The following KCNMB4 variants were observed in gnomAD, a reference collection of about 807,000 sequenced individuals.
The protein encoded by KCNMB4 is potassium calcium-activated channel subfamily M regulatory beta subunit 4.
A neutral mutation model predicts 20.7 loss-of-function variants in KCNMB4; 3 were observed. The observed-to-expected ratio is 0.14, with a 90% CI of 0.07 to 0.37. The LOEUF (loss-of-function observed/expected upper bound fraction) is 0.37. Ranked by LOEUF, KCNMB4 falls within the 10% of genes least tolerant of loss-of-function variation. The probability of loss-of-function intolerance (pLI) is 1.00; values close to 1 mark genes in which losing one functional copy is unlikely to be tolerated. For missense variants in KCNMB4, 168 were observed against 265.9 expected, an observed-to-expected ratio of 0.63 and a Z score of 2.56; for synonymous variants, 110 against 113.4, an observed-to-expected ratio of 0.97 and a Z score of 0.19.
intron 2 of KCNMB4, among the ~76,000 whole-genome samples, chr12:70,404,049 G>T (rs1868529245): frequency 6.6e-6 from 1 of 152,194 alleles, no homozygotes; most frequent in African/African-American, 2.4e-5. Flanking sequence ...ATAGAAGGGG[G>T]AAGACTGAAC....
chr12:70,422,029 T>A (rs1013033834), intron 2 of KCNMB4, among the ~76,000 whole-genome samples: 4 of 152,262 alleles, frequency 2.6e-5, no homozygotes, highest in African/African-American at 7.2e-5. Flanking sequence ...ATGGCATGTA[T>A]TGTCCCAACA....
intron 1 of KCNMB4, among the ~76,000 whole-genome samples, chr12:70,380,140 C>G (rs1883758069): frequency 6.6e-6 from 1 of 152,146 alleles, no homozygotes; most frequent in Non-Finnish European, 1.5e-5. Context: ...CACTTGAACA[C>G]TTAGAGGCTG....
intron 1 of KCNMB4, among the ~76,000 whole-genome samples, chr12:70,376,683 A>G (rs1178972410): frequency 1.3e-5 from 2 of 151,456 alleles, no homozygotes; most frequent in Non-Finnish European, 2.9e-5. Flanking sequence ...CCTAGGCAAC[A>G]TGGTGAAACC....
chr12:70,366,733 C>A lies in KCNMB4; in HGVS notation c.-2C>A, dbSNP rs775402368. ...CACGCCAGCCGCCGAGAGTGGGGGG[C>A]GATGGCGAAGCTCCGGGTGGCTTAC... On this transcript the variant is annotated 5_prime_UTR_variant, in exon 1 of 3. Coordinates refer to ENST00000258111, the MANE Select transcript of KCNMB4 (RefSeq NM_014505.6). 2.6e-6 allele frequency: 4 copies of A among 1,567,982 alleles called. No individual in the cohort carries two copies. The African/African-American group carries it at 4.1e-5, about 16-fold the overall frequency.
rs1565851010 is a variant in KCNMB4, at chr12:70,367,102, C to G, written c.336+32C>G. On this transcript the variant is annotated intron_variant, in intron 1 of 2. Coordinates refer to ENST00000258111, the MANE Select transcript of KCNMB4 (RefSeq NM_014505.6). ...ACGCCCCGCGCACCCAGGGGCTCCC[C>G]GCGAGGGAGGTTTGGAGGCAGCGTC... 2.0e-6 allele frequency: 3 copies of G among 1,468,950 alleles called. No individual in the cohort carries two copies. The South Asian group carries it at 4.2e-5, about 21-fold the overall frequency. The allele number at this position is 1,468,950 out of a possible 1,614,324, so 91.0% of individuals were successfully genotyped here.
At chr12:70,425,047 C>A (rs1869172768) in intron 2 of KCNMB4, among the ~76,000 whole-genome samples, 1 of 152,160 alleles carries the variant, frequency 6.6e-6, no homozygotes, top group Non-Finnish European at 1.5e-5. Flanking sequence ...TTTTAAAAGT[C>A]ATGAATCAAT....
intron 2 of KCNMB4, among the ~76,000 whole-genome samples, chr12:70,426,807 A>G (rs1869226943): frequency 6.6e-6 from 1 of 152,226 alleles, no homozygotes; most frequent in South Asian, 2.1e-4. Flanking sequence ...AAAGCACATA[A>G]TAAATGCTGA....
At chr12:70,401,398 G>A (rs1868446049) in intron 2 of KCNMB4, among the ~76,000 whole-genome samples, 1 of 152,106 alleles carries the variant, frequency 6.6e-6, no homozygotes, top group African/African-American at 2.4e-5. Flanking sequence ...TTTACATCCA[G>A]ATTTCTCAGC....
In KCNMB4 at chr12:70,430,690, C is replaced by T; in HGVS notation, c.*37C>T. The stretch of plus-strand genomic sequence containing the variant: ...GCTTGTAGAAAGCAAAGTACAGAAG[C>T]TGTACTCATCGGCACGCGTCCACCT... On this transcript the variant is annotated 3_prime_UTR_variant, in exon 3 of 3. Transcript: ENST00000258111. 6.5e-7 allele frequency: 1 copy of T among 1,539,616 alleles called. No homozygotes were observed. Among genetic ancestry groups the T allele is most frequent in the Non-Finnish European group, 8.7e-7 (1 of 1,148,538 alleles).
intron 1 of KCNMB4, among the ~76,000 whole-genome samples, chr12:70,371,867 C>G (rs1883602282): frequency 6.6e-6 from 1 of 152,054 alleles, no homozygotes; most frequent in South Asian, 2.1e-4. Context: ...AAGTAACAGA[C>G]AAGAAATAAA....
intron 2 of KCNMB4, among the ~76,000 whole-genome samples, chr12:70,412,676 A>G (rs977568885): frequency 1.3e-5 from 2 of 152,224 alleles, no homozygotes; most frequent in African/African-American, 4.8e-5. Flanking sequence ...TACTAAAGAA[A>G]AAACTTTGTT....
At chr12:70,407,896 G>A (rs920986418) in intron 2 of KCNMB4, among the ~76,000 whole-genome samples, 2 of 152,074 alleles carry the variant, frequency 1.3e-5, no homozygotes, top group African/African-American at 2.4e-5. Context: ...ATGAAAAAAC[G>A]AAGATTCTCC....
At chr12:70,408,759 G>A (rs947938830) in intron 2 of KCNMB4, among the ~76,000 whole-genome samples, 2 of 152,086 alleles carry the variant, frequency 1.3e-5, no homozygotes, top group Admixed American at 6.5e-5. Context: ...CTTCCAAAAT[G>A]TGTAGATTTT....
intron 1 of KCNMB4, among the ~76,000 whole-genome samples, chr12:70,376,095 A>T (rs989931407): frequency 6.6e-6 from 1 of 151,974 alleles, no homozygotes; most frequent in Non-Finnish European, 1.5e-5. Context: ...GAAAAGCATA[A>T]TTATCTCAGT....
chr12:70,386,717 CAT>C (rs1399393807), intron 1 of KCNMB4, among the ~76,000 whole-genome samples: 2 of 151,888 alleles, frequency 1.3e-5, no homozygotes, highest in African/African-American at 2.4e-5. Flanking sequence ...TGTTCTCACA[CAT>C]GTGTGCATAG....
chr12:70,382,563 CAT>C (rs1014614279), intron 1 of KCNMB4, among the ~76,000 whole-genome samples: 28 of 150,662 alleles, frequency 1.9e-4, no homozygotes, highest in South Asian at 1.0e-3. Flanking sequence ...CTTTTCTAAA[CAT>C]GTAGCAAGGA....
At chr12:70,387,745 G>A (rs906618778) in intron 1 of KCNMB4, among the ~76,000 whole-genome samples, 1 of 151,930 alleles carries the variant, frequency 6.6e-6, no homozygotes, top group Non-Finnish European at 1.5e-5. Context: ...TTTGATGCAG[G>A]CATGCAAAGT....
intron 1 of KCNMB4, among the ~76,000 whole-genome samples, chr12:70,383,953 C>T (rs1356091210): frequency 6.6e-6 from 1 of 152,106 alleles, no homozygotes; most frequent in Non-Finnish European, 1.5e-5. Flanking sequence ...CCTATAACCC[C>T]AGCTACTCAG....
chr12:70,426,614 A>T (rs1565868262), intron 2 of KCNMB4, among the ~76,000 whole-genome samples: 3 of 152,232 alleles, frequency 2.0e-5, no homozygotes, highest in African/African-American at 7.2e-5. Flanking sequence ...AGTACAATTT[A>T]AAAAATCTTA....
Sources: gnomAD v4.1 joint callset for allele counts (sites outside exome capture counted in the v4.1 genomes callset) on GRCh38, gnomAD v4.1.1 for gene constraint, MANE v1.5 for transcripts, NCBI Gene and HGNC (gene_info 2026-07-23, HGNC 2026-07-21) for gene names.